The following TENM2 variants were observed in gnomAD, a reference collection of about 807,000 sequenced individuals.
The protein encoded by TENM2 is teneurin-2.
TENM2 carries 52 observed loss-of-function variants against 245.2 expected under a neutral mutation model. The ratio of observed to expected loss-of-function variants is 0.21; its 90% CI spans 0.17 to 0.27. The LOEUF is 0.27. TENM2 is among the 10% of genes least tolerant of loss of function. The pLI, the probability that TENM2 is intolerant of heterozygous loss-of-function variation, is 1.00. For missense variants in TENM2, 3,046 were observed against 3,666.8 expected (o/e 0.83, Z 4.37); for synonymous variants, 1,363 against 1,438.9 (o/e 0.95, Z 1.19).
chr5:167,073,189 T>C, the TENM2 span, among the ~76,000 whole-genome samples: 1 of 152,206 alleles, frequency 6.6e-6, no homozygotes, highest in African/African-American at 2.4e-5. Context: ...TTTTTTTGGG[T>C]TTGCTTTATA....
chr5:168,032,688 T>C (rs1434930921), intron 5 of TENM2, among the ~76,000 whole-genome samples: 1 of 152,196 alleles, frequency 6.6e-6, no homozygotes, highest in Non-Finnish European at 1.5e-5. Context: ...TGCTTGTGTC[T>C]TGCTTTTTTT....
At chr5:167,531,221 T>C (rs1771478546) in intron 2 of TENM2, among the ~76,000 whole-genome samples, 1 of 152,220 alleles carries the variant, frequency 6.6e-6, no homozygotes, top group African/African-American at 2.4e-5. Context: ...AGGAATGCCC[T>C]GTGCTGGTGG....
the TENM2 span, among the ~76,000 whole-genome samples, chr5:167,230,571 G>T: frequency 6.6e-6 from 1 of 152,054 alleles, no homozygotes; most frequent in Admixed American, 6.6e-5. Context: ...TTCAAATCTA[G>T]TTGCACATCA....
At chr5:167,829,957 G>A (rs1399551030) in intron 2 of TENM2, among the ~76,000 whole-genome samples, 1 of 152,220 alleles carries the variant, frequency 6.6e-6, no homozygotes, top group African/African-American at 2.4e-5. Flanking sequence ...TCCTCATGGA[G>A]AGGCAATCAA....
At chr5:167,838,003 A>T (rs2151132276) in intron 2 of TENM2, among the ~76,000 whole-genome samples, 2 of 152,228 alleles carry the variant, frequency 1.3e-5, no homozygotes, top group South Asian at 2.1e-4. Context: ...GTGCATCCCC[A>T]CCTGGTTTAG....
At chr5:168,235,073 A>C (rs1328758834) in intron 25 of TENM2, among the ~76,000 whole-genome samples, 2 of 152,172 alleles carry the variant, frequency 1.3e-5, no homozygotes, top group East Asian at 3.9e-4. Flanking sequence ...CACACACATG[A>C]ACTCAGTTCT....
At chr5:167,352,977 C>G (rs1411206273) in intron 1 of TENM2, among the ~76,000 whole-genome samples, 3 of 152,138 alleles carry the variant, frequency 2.0e-5, no homozygotes, top group Non-Finnish European at 4.4e-5. Context: ...TCAATCAAAC[C>G]CCACTTCAGA....
chr5:167,222,824 G>A, the TENM2 span, among the ~76,000 whole-genome samples: 1 of 152,210 alleles, frequency 6.6e-6, no homozygotes, highest in East Asian at 1.9e-4. Flanking sequence ...TGCAAAAGCT[G>A]CTTCAAATTT....
intron 2 of TENM2, among the ~76,000 whole-genome samples, chr5:167,566,615 G>C (rs182505491): frequency 1.3e-5 from 2 of 152,172 alleles, no homozygotes; most frequent in African/African-American, 4.8e-5. Flanking sequence ...GCGTTTTTCT[G>C]ATGAATACGT....
At chr5:167,438,496 A>AGCAC (rs2127455723) in intron 2 of TENM2, among the ~76,000 whole-genome samples, 1 of 151,194 alleles carries the variant, frequency 6.6e-6, no homozygotes, top group Non-Finnish European at 1.5e-5. Flanking sequence ...AGTTCACGGT[A>AGCAC]TTCTCCTGCC....
intron 8 of TENM2, among the ~76,000 whole-genome samples, chr5:168,092,884 T>C (rs191887631): frequency 2.0e-5 from 3 of 152,340 alleles, no homozygotes; most frequent in East Asian, 1.9e-4. Context: ...TATGCATTTA[T>C]AGAGCATCAA....
intron 27 of TENM2, among the ~76,000 whole-genome samples, chr5:168,258,718 G>A (rs543893115): frequency 6.6e-6 from 1 of 152,316 alleles, no homozygotes; most frequent in South Asian, 2.1e-4. Context: ...CAGTTTGTGG[G>A]AGGGGTAATG....
At chr5:167,342,260 C>A (rs1758146633) in intron 1 of TENM2, among the ~76,000 whole-genome samples, 1 of 152,036 alleles carries the variant, frequency 6.6e-6, no homozygotes, top group African/African-American at 2.4e-5. Flanking sequence ...TTTTTGACCA[C>A]CATGGCAGTT....
At chr5:167,682,569 T>C (rs1181782052) in intron 2 of TENM2, among the ~76,000 whole-genome samples, 1 of 152,198 alleles carries the variant, frequency 6.6e-6, no homozygotes, top group African/African-American at 2.4e-5. Context: ...TCTTCTTGGA[T>C]TCTGGCAAAC....
At chr5:167,929,867 C>G (rs1013788941) in intron 3 of TENM2, among the ~76,000 whole-genome samples, 2 of 152,162 alleles carry the variant, frequency 1.3e-5, no homozygotes, top group African/African-American at 4.8e-5. Flanking sequence ...CCTTATGGCT[C>G]AGGGCTATGT....
the TENM2 span, among the ~76,000 whole-genome samples, chr5:167,251,602 A>G: frequency 2.2e-4 from 33 of 152,250 alleles, no homozygotes; most frequent in African/African-American, 7.2e-4. Flanking sequence ...TCAAGATATC[A>G]TACAGCTTGT....
intron 1 of TENM2, among the ~76,000 whole-genome samples, chr5:167,372,766 C>G (rs1266678410): frequency 6.6e-6 from 1 of 152,178 alleles, no homozygotes; most frequent in Non-Finnish European, 1.5e-5. Context: ...ATATTAATAT[C>G]AAATGACTTT....
At chr5:167,448,105 G>T (rs1476519779) in intron 2 of TENM2, among the ~76,000 whole-genome samples, 1 of 152,166 alleles carries the variant, frequency 6.6e-6, no homozygotes, top group Non-Finnish European at 1.5e-5. Context: ...CAGCTACAGT[G>T]GTTCCCAGTG....
intron 5 of TENM2, among the ~76,000 whole-genome samples, chr5:168,007,487 G>A (rs948137916): frequency 4.6e-5 from 7 of 152,122 alleles, no homozygotes; most frequent in Non-Finnish European, 1.0e-4. Flanking sequence ...TGACCTCGGT[G>A]CTACGCCACC....
Sources: allele counts gnomAD v4.1 joint callset (sites outside exome capture counted in the v4.1 genomes callset), GRCh38; gene constraint gnomAD v4.1.1; transcripts MANE v1.5; gene names NCBI Gene and HGNC (gene_info 2026-07-23, HGNC 2026-07-21).